The following SBF2 variants were observed in gnomAD, a reference collection of about 807,000 sequenced individuals.
SBF2 encodes the protein SET binding factor 2, also known as myotubularin-related protein 13.
SBF2 carries 112 observed loss-of-function variants against 225.2 expected under a neutral mutation model. The observed-to-expected ratio is 0.50, with a 90% CI of 0.43 to 0.58. SBF2 has a LOEUF of 0.58. Among genes scored for constraint, SBF2 ranks in the 20% least tolerant of loss-of-function variants. SBF2 has a pLI of 0.00. For synonymous variants in SBF2, 763 were observed against 773.3 expected (o/e 0.99, Z 0.22); for missense variants, 1,996 against 2,206.2 (o/e 0.90, Z 1.91).
At chr11:9,870,007 T>G (rs1858588889) in intron 17 of SBF2, among the ~76,000 whole-genome samples, 1 of 152,186 alleles carries the variant, frequency 6.6e-6, no homozygotes, top group African/African-American at 2.4e-5. Context: ...CAGCGAAGTC[T>G]CAGCATACAA....
At position 10,173,804 on chromosome 11, in the gene SBF2, C is replaced by G. The variant is rs1189827518; in HGVS notation, c.141+20098G>C. On this transcript the variant is annotated intron_variant, in intron 2 of 39. Transcript: ENST00000256190. ...GAGCAGTGGTTCTCCCAGCACGCAG[C>G]TGGAGATCTGAGAACAGGCAGACTG... Among the ~76,000 whole-genome samples the G allele has an allele frequency of 3.2e-4, 48 of 149,730 alleles. 1 individual carries two copies. In the East Asian group the frequency reaches 9.6e-3, roughly 30 times the overall value.
chr11:9,991,561 G>A (rs1279496225), intron 12 of SBF2, among the ~76,000 whole-genome samples: 1 of 151,942 alleles, frequency 6.6e-6, no homozygotes, highest in Non-Finnish European at 1.5e-5. Flanking sequence ...TACATTTTTG[G>A]TTCTAATATA....
intron 1 of SBF2, among the ~76,000 whole-genome samples, chr11:10,236,136 C>T (rs555763525): frequency 4.9e-4 from 74 of 152,098 alleles, no homozygotes; most frequent in African/African-American, 1.7e-3. Flanking sequence ...CAAATAAAAA[C>T]GAACAAAGAA....
chr11:10,268,370 G>A (rs967928444), intron 1 of SBF2, among the ~76,000 whole-genome samples: 2 of 151,730 alleles, frequency 1.3e-5, no homozygotes, highest in South Asian at 2.1e-4. Flanking sequence ...ATGTTTGCTT[G>A]AAGAAAAAAA....
At chr11:9,924,312 T>C (rs1240137951) in intron 16 of SBF2, among the ~76,000 whole-genome samples, 1 of 152,222 alleles carries the variant, frequency 6.6e-6, no homozygotes, top group Admixed American at 6.5e-5. Flanking sequence ...AAAATAGGCT[T>C]TGTATTAGAT....
At chr11:10,238,039 T>C (rs1478412124) in intron 1 of SBF2, among the ~76,000 whole-genome samples, 7 of 152,202 alleles carry the variant, frequency 4.6e-5, no homozygotes, top group African/African-American at 1.7e-4. Flanking sequence ...TATGAATATT[T>C]TGAAGCCTGT....
intron 1 of SBF2, among the ~76,000 whole-genome samples, chr11:10,269,229 G>C (rs901073225): frequency 2.0e-5 from 3 of 152,198 alleles, no homozygotes; most frequent in African/African-American, 7.2e-5. Flanking sequence ...GCCTCAGCTT[G>C]TGTTCAATAC....
intron 3 of SBF2, among the ~76,000 whole-genome samples, chr11:10,032,949 T>C (rs972989426): frequency 6.6e-6 from 1 of 152,230 alleles, no homozygotes; most frequent in Non-Finnish European, 1.5e-5. Context: ...TCATTTAGTT[T>C]CTAGTACAAT....
chr11:10,273,081 AT>A (rs1337906721), intron 1 of SBF2, among the ~76,000 whole-genome samples: 3,113 of 148,756 alleles, frequency 0.021, 87 homozygotes, highest in African/African-American at 0.065. Context: ...GAAAAAAAAA[AT>A]AAATAAATAA....
At chr11:10,083,284 T>C (rs75763920) in intron 2 of SBF2, among the ~76,000 whole-genome samples, 1,629 of 152,320 alleles carry the variant, frequency 0.011, 31 homozygotes, top group African/African-American at 0.037. Flanking sequence ...GAAGAATCAA[T>C]ATCATTAAAA....
intron 2 of SBF2, among the ~76,000 whole-genome samples, chr11:10,081,633 G>A (rs192654128): frequency 4.0e-4 from 60 of 151,850 alleles, no homozygotes; most frequent in African/African-American, 1.4e-3. Context: ...GGTGACACGC[G>A]CCTGTAGTCC....
At chr11:10,184,158 C>T (rs1259565810) in intron 2 of SBF2, among the ~76,000 whole-genome samples, 1 of 152,028 alleles carries the variant, frequency 6.6e-6, no homozygotes, top group East Asian at 1.9e-4. Flanking sequence ...AAAAAGATAA[C>T]ACATGCTTTT....
chr11:9,971,310 T>C (rs866789974), intron 13 of SBF2, among the ~76,000 whole-genome samples: 4 of 152,190 alleles, frequency 2.6e-5, no homozygotes, highest in Middle Eastern at 3.4e-3. Flanking sequence ...GTTATATATA[T>C]ATATTTTTCT....
intron 2 of SBF2, among the ~76,000 whole-genome samples, chr11:10,130,144 C>T (rs760256060): frequency 8.5e-5 from 13 of 152,206 alleles, no homozygotes; most frequent in South Asian, 2.1e-4. Flanking sequence ...GGGCAGATCA[C>T]GAGGTCAGGA....
intron 2 of SBF2, among the ~76,000 whole-genome samples, chr11:10,095,683 T>G (rs1043632204): frequency 2.6e-5 from 4 of 152,192 alleles, no homozygotes; most frequent in African/African-American, 9.7e-5. Context: ...GAAAGTTCCA[T>G]GAGGATAAGA....
At position 9,959,505 on chromosome 11, in the gene SBF2, G is replaced by C. The variant is rs1439512887; in HGVS notation, c.1860+2452C>G. 3.7e-6 allele frequency: 3 copies of C among 820,076 alleles called. No homozygotes were observed. In the African/African-American group the frequency reaches 5.0e-5, roughly 14 times the overall value. The allele number at this position is 820,076 out of a possible 1,614,324, so 50.8% of individuals were successfully genotyped here. A position where few individuals can be genotyped will look rare whatever the true frequency, so the allele number is the denominator to read the frequency against. The stretch of plus-strand genomic sequence containing the variant: ...TCTCTGCAGGCTTTCGATTGCACTT[G>C]AAAACTTCACAGAACACCAGCTTGT... On this transcript the variant is annotated intron_variant, in intron 16 of 39. Transcript: ENST00000256190.
chr11:10,179,805 G>A (rs948002067), intron 2 of SBF2, among the ~76,000 whole-genome samples: 4 of 151,754 alleles, frequency 2.6e-5, no homozygotes, highest in Non-Finnish European at 5.9e-5. Flanking sequence ...TTTTAGTGAA[G>A]GTAATTTTCT....
chr11:9,932,872 T>C (rs1314484681), intron 16 of SBF2, among the ~76,000 whole-genome samples: 1 of 148,150 alleles, frequency 6.7e-6, no homozygotes, highest in Non-Finnish European at 1.5e-5. Context: ...CGGTGTGCTC[T>C]ATTCAGGAGA....
At chr11:10,094,972 GA>G (rs1192971549) in intron 2 of SBF2, among the ~76,000 whole-genome samples, 12 of 149,824 alleles carry the variant, frequency 8.0e-5, no homozygotes, top group Admixed American at 7.3e-4. Context: ...GGCCAGCTGA[GA>G]AAAAAAAGAA....
Sources: allele counts gnomAD v4.1 joint callset (sites outside exome capture counted in the v4.1 genomes callset), GRCh38; gene constraint gnomAD v4.1.1; transcripts MANE v1.5; gene names NCBI Gene and HGNC (gene_info 2026-07-23, HGNC 2026-07-21).